Variants in ZNF577 observed in about 807,000 individuals in gnomAD.
ZNF577 encodes the protein zinc finger protein 577.
A neutral mutation model predicts 13.9 loss-of-function variants in ZNF577; 14 were observed. The ratio of observed to expected loss-of-function variants is 1.00; its 90% confidence interval spans 0.66 to 1.57. ZNF577 has a LOEUF of 1.57. Ranked by LOEUF, ZNF577 falls within the 40% of genes most tolerant of loss-of-function variation. ZNF577 has a pLI of 0.00. For missense variants in ZNF577, 555 were observed against 579.2 expected (o/e 0.96, Z 0.43); for synonymous variants, 203 against 202.9 (o/e 1.00, Z 0.00).
At chr19:51,841,678 G>T (rs551279421) in intron 8 of ZNF577, among the ~76,000 whole-genome samples, 2 of 152,102 alleles carry the variant, frequency 1.3e-5, no homozygotes, top group Non-Finnish European at 1.5e-5. Context: ...CAGCACTTTG[G>T]GGGGCCAAGG....
intron 2 of ZNF577, 120 bp from the exon 3 acceptor site, chr19:51,880,521 C>CTTAA (rs1433415459): frequency 1.5e-5 from 12 of 819,174 alleles, no homozygotes; most frequent in Non-Finnish European, 2.3e-5. Flanking sequence ...TATCTTGTTT[C>CTTAA]TTAATTTGCC....
intron 5 of ZNF577, among the ~76,000 whole-genome samples, chr19:51,851,963 G>A (rs747648556): frequency 6.6e-6 from 1 of 152,120 alleles, no homozygotes; most frequent in Non-Finnish European, 1.5e-5. Context: ...CCCAAGTCAC[G>A]AATCCCTACA....
rs1199338843 is a variant in ZNF577 at position 51,870,332 on chromosome 19, GCTTT to G, written c.*2196_*2199del. Among the ~76,000 whole-genome samples the G allele has an allele frequency of 2.0e-5, 3 of 152,130 alleles. No homozygotes were observed. Among genetic ancestry groups the G allele is most frequent in the Non-Finnish European group, 2.9e-5 (2 of 68,018 alleles). ...ATGGTCAATTACTGACTGGTAGATT[GCTTT>G]CTATTTCTTTATTAGTCTCTGTTTG... On this transcript the variant is annotated 3_prime_UTR_variant, in exon 6 of 6. Coordinates refer to ENST00000638348, the MANE Select transcript of ZNF577 (RefSeq NM_001370449.1).
downstream of ZNF577, chr19:51,862,998 T>C (rs2084520139): frequency 6.6e-6 from 1 of 152,236 alleles, no homozygotes; most frequent in Non-Finnish European, 1.5e-5. Context: ...AGACTTTCCC[T>C]TCTCTATGAT....
At position 51,870,255 on chromosome 19, in the gene ZNF577, A is replaced by G. The variant is rs10412080; in HGVS notation, c.*2277T>C. Among the ~76,000 whole-genome samples, 2 of 152,062 alleles carry G rather than the reference A, an allele frequency of 1.3e-5. No homozygotes were observed. Among genetic ancestry groups the G allele is most frequent in the Admixed American group, 1.3e-4 (2 of 15,282 alleles). ...TGAGTTTTCTTCATGTTATGGGGTT[A>G]TATTTTCCTGCTTCTTTGCACACCT... On this transcript the variant is annotated 3_prime_UTR_variant, in exon 6 of 6. Transcript: ENST00000638348.
At chr19:51,822,322 T>G (rs1456392375) in intron 9 of ZNF577, among the ~76,000 whole-genome samples, 1 of 152,144 alleles carries the variant, frequency 6.6e-6, no homozygotes, top group Non-Finnish European at 1.5e-5. Context: ...TAGAACAAAT[T>G]AGAAAATCAA....
chr19:51,826,491 T>C (rs1185401206), intron 9 of ZNF577, among the ~76,000 whole-genome samples: 12 of 152,220 alleles, frequency 7.9e-5, no homozygotes, highest in Admixed American at 7.9e-4. Flanking sequence ...CTGGCAGTTT[T>C]CTTTTTCACA....
chr19:51,830,773 C>T (rs779057695), intron 9 of ZNF577, among the ~76,000 whole-genome samples: 9 of 152,214 alleles, frequency 5.9e-5, no homozygotes, highest in Admixed American at 1.3e-4. Flanking sequence ...TTGGTGTACC[C>T]GAGGGCTCAA....
At chr19:51,849,731 C>T (rs967097950) in intron 5 of ZNF577, among the ~76,000 whole-genome samples, 2 of 152,184 alleles carry the variant, frequency 1.3e-5, no homozygotes, top group South Asian at 2.1e-4. Context: ...AAAGTTTGGC[C>T]ACTTTTTATG....
intron 10 of ZNF577, among the ~76,000 whole-genome samples, chr19:51,809,984 C>A (rs958054581): frequency 1.3e-5 from 2 of 152,122 alleles, no homozygotes; most frequent in African/African-American, 2.4e-5. Context: ...ACTGATTAGC[C>A]CAGTTATTTC....
At chr19:51,883,090 T>G (rs2084888616) in intron 1 of ZNF577, among the ~76,000 whole-genome samples, 1 of 148,638 alleles carries the variant, frequency 6.7e-6, no homozygotes, top group African/African-American at 2.5e-5. Flanking sequence ...ACCTCCCGGG[T>G]TCAAGCAATT....
intron 9 of ZNF577, among the ~76,000 whole-genome samples, chr19:51,831,658 T>C (rs2084261841): frequency 6.6e-6 from 1 of 152,206 alleles, no homozygotes; most frequent in South Asian, 2.1e-4. Context: ...ATCTCTTGAT[T>C]AACACCCTCC....
chr19:51,828,954 C>G (rs1275576813), intron 9 of ZNF577, among the ~76,000 whole-genome samples: 1 of 152,126 alleles, frequency 6.6e-6, no homozygotes, highest in Non-Finnish European at 1.5e-5. Context: ...CACTCTTTCT[C>G]TAATCAGGCC....
chr19:51,841,656 T>C (rs4801899), intron 8 of ZNF577, among the ~76,000 whole-genome samples: 11,610 of 152,210 alleles, frequency 0.076, 662 homozygotes, highest in South Asian at 0.22. Flanking sequence ...CGGTGGCTCA[T>C]GCCTGTAATC....
chr19:51,883,998 T>C (rs547094209), intron 1 of ZNF577, among the ~76,000 whole-genome samples: 1 of 152,100 alleles, frequency 6.6e-6, no homozygotes, highest in Non-Finnish European at 1.5e-5. Context: ...TGCTTCAACC[T>C]GGGAAGTGGG....
At chr19:51,845,437 G>T (rs570296884) in intron 5 of ZNF577, among the ~76,000 whole-genome samples, 1 of 151,580 alleles carries the variant, frequency 6.6e-6, no homozygotes, top group South Asian at 2.1e-4. Context: ...TATGGTCAGC[G>T]AAGATTGCAC....
At chr19:51,849,109 C>T (rs1376793598) in intron 5 of ZNF577, among the ~76,000 whole-genome samples, 1 of 152,108 alleles carries the variant, frequency 6.6e-6, no homozygotes, top group African/African-American at 2.4e-5. Flanking sequence ...TATATAAAAA[C>T]TTGAACTATT....
At chr19:51,813,985 A>G (rs1390172949) in intron 9 of ZNF577, among the ~76,000 whole-genome samples, 2 of 152,222 alleles carry the variant, frequency 1.3e-5, no homozygotes, top group African/African-American at 4.8e-5. Context: ...CCCCTGGAAG[A>G]AAGCCAATAG....
At chr19:51,807,459 C>T (rs577319446) in intron 10 of ZNF577, among the ~76,000 whole-genome samples, 11 of 152,254 alleles carry the variant, frequency 7.2e-5, no homozygotes, top group Non-Finnish European at 1.2e-4. Flanking sequence ...GAGTTGGTCA[C>T]GTCCCATGGG....
Sources: allele counts gnomAD v4.1 joint callset (sites outside exome capture counted in the v4.1 genomes callset), GRCh38; gene constraint gnomAD v4.1.1; transcripts MANE v1.5; gene names NCBI Gene and HGNC (gene_info 2026-07-23, HGNC 2026-07-21).